Variants in GALNTL6 observed in about 807,000 individuals in gnomAD.
GALNTL6 encodes polypeptide N-acetylgalactosaminyltransferase like 6.
In GALNTL6, 46 loss-of-function variants were observed where a neutral mutation model predicts 73.7. The observed-to-expected ratio is 0.62, with a 90% confidence interval of 0.49 to 0.80. The LOEUF (loss-of-function observed/expected upper bound fraction) is 0.80. Ranked by LOEUF, GALNTL6 falls within the 30% of genes least tolerant of loss-of-function variation. The probability of loss-of-function intolerance (pLI) is 0.00; values close to 1 mark genes in which losing one functional copy is unlikely to be tolerated. For missense variants in GALNTL6, 604 were observed against 755.0 expected (o/e 0.80, Z 2.34); for synonymous variants, 259 against 263.7 (o/e 0.98, Z 0.17).
chr4:172,565,971 GTTTCA>G (rs1736541022), intron 5 of GALNTL6, among the ~76,000 whole-genome samples: 1 of 151,836 alleles, frequency 6.6e-6, no homozygotes, highest in African/African-American at 2.4e-5. Flanking sequence ...ATTATATGAG[GTTTCA>G]TTTCATCAGT....
At chr4:172,998,082 AT>A (rs1751878060) in intron 10 of GALNTL6, among the ~76,000 whole-genome samples, 1 of 152,192 alleles carries the variant, frequency 6.6e-6, no homozygotes. Flanking sequence ...CAAGAGAGAG[AT>A]GCCAAAGCAA....
chr4:172,481,130 C>T (rs1733447910), intron 5 of GALNTL6, among the ~76,000 whole-genome samples: 1 of 152,096 alleles, frequency 6.6e-6, no homozygotes, highest in Non-Finnish European at 1.5e-5. Context: ...TTCGGAGTTT[C>T]TTCCTTCTGG....
At chr4:172,588,947 G>A (rs1183087004) in intron 5 of GALNTL6, among the ~76,000 whole-genome samples, 1 of 152,104 alleles carries the variant, frequency 6.6e-6, no homozygotes, top group African/African-American at 2.4e-5. Flanking sequence ...GGATTTAGAT[G>A]GGGAAAATAA....
At chr4:172,176,453 C>G (rs72700980) in intron 2 of GALNTL6, among the ~76,000 whole-genome samples, 9,742 of 149,472 alleles carry the variant, frequency 0.065, 514 homozygotes, top group African/African-American at 0.15. Context: ...TAAGTGAAGA[C>G]TTTAAATACT....
At position 172,126,525 on chromosome 4, in the gene GALNTL6, G is replaced by A. The variant is rs1266465548; in HGVS notation, c.139-103131G>A. Among the ~76,000 whole-genome samples the A allele has an allele frequency of 2.6e-5, 4 of 152,310 alleles. No homozygotes were observed. In the East Asian group the frequency reaches 7.7e-4, roughly 29 times the overall value. ...GGACACGAGGAACACAGTGCAGCTT[G>A]CTCAGCAAGGATCAGCTGGCAGCCT... On this transcript the variant is annotated intron_variant, in intron 2 of 12. Transcript: ENST00000506823.
At chr4:173,016,328 A>G (rs1752781091) in intron 11 of GALNTL6, among the ~76,000 whole-genome samples, 1 of 152,178 alleles carries the variant, frequency 6.6e-6, no homozygotes, top group African/African-American at 2.4e-5. Flanking sequence ...TGGTAGACCC[A>G]CTGACAGCTT....
intron 2 of GALNTL6, among the ~76,000 whole-genome samples, chr4:171,837,530 C>T (rs541655717): frequency 2.9e-5 from 4 of 138,776 alleles, no homozygotes; most frequent in Middle Eastern, 4.1e-3. Flanking sequence ...CAACTTCATA[C>T]TAAATGGTTC....
chr4:172,898,215 A>T (rs1561021471), intron 8 of GALNTL6, among the ~76,000 whole-genome samples: 2 of 151,918 alleles, frequency 1.3e-5, no homozygotes, highest in Non-Finnish European at 2.9e-5. Context: ...GTCTCATATG[A>T]ACAATTTTTT....
chr4:171,988,568 A>G (rs1230464855), intron 2 of GALNTL6, among the ~76,000 whole-genome samples: 1 of 152,156 alleles, frequency 6.6e-6, no homozygotes, highest in Admixed American at 6.5e-5. Flanking sequence ...ATAGGAGAGT[A>G]TATGGGTTTG....
At chr4:172,103,439 CTATA>C (rs1197803539) in intron 2 of GALNTL6, among the ~76,000 whole-genome samples, 2 of 152,026 alleles carry the variant, frequency 1.3e-5, no homozygotes, top group African/African-American at 4.8e-5. Flanking sequence ...CTTAATGGAA[CTATA>C]TATATATTTT....
intron 2 of GALNTL6, among the ~76,000 whole-genome samples, chr4:171,984,705 A>T: frequency 6.6e-6 from 1 of 152,188 alleles, no homozygotes; most frequent in East Asian, 1.9e-4. Flanking sequence ...AAAGGAGGAA[A>T]GAGGAGATAG....
intron 2 of GALNTL6, among the ~76,000 whole-genome samples, chr4:171,942,603 G>A (rs1419709383): frequency 6.6e-6 from 1 of 152,176 alleles, no homozygotes; most frequent in East Asian, 1.9e-4. Flanking sequence ...AAGTTAATAA[G>A]TGGAATGAAG....
In GALNTL6 at chr4:172,850,575, G is replaced by C. The variant is rs111274368; in HGVS notation, c.924-32215G>C. On this transcript the variant is annotated intron_variant, in intron 7 of 12. Transcript: ENST00000506823. ...ACAACCAATTCTCCAGTAGACTCCA[G>C]ATGGGCGTCCTGTGATTCTACTGAT... 5.2e-3 allele frequency among the ~76,000 whole-genome samples: 799 copies of C among 152,236 alleles called. 9 individuals carry two copies. The highest frequency in any genetic ancestry group is 0.018 in the African/African-American group (742 of 41,548).
Position 172,788,621 on chromosome 4 carries a change from G to T in GALNTL6, c.554-20740G>T, listed in dbSNP as rs564497274. 2.2e-4 allele frequency among the ~76,000 whole-genome samples: 30 copies of T among 135,060 alleles called. 1 individual carries two copies. The South Asian group carries it at 5.7e-3, about 26-fold the overall frequency. The allele number at this position is 135,060 out of a possible 152,430, so 88.6% of individuals were successfully genotyped here. A position where few individuals can be genotyped will look rare whatever the true frequency, so the allele number is the denominator to read the frequency against. ...CGGGAGGCGGAGCTTGCAGTGGGCC[G>T]ATATCGCACCACTGCACTCCAGCCT... On this transcript the variant is annotated intron_variant, in intron 5 of 12. Transcript: ENST00000506823.
chr4:172,421,750 G>A (rs200335958), intron 5 of GALNTL6, among the ~76,000 whole-genome samples: 30 of 152,124 alleles, frequency 2.0e-4, no homozygotes, highest in East Asian at 1.9e-3. Context: ...ATAATAATGA[G>A]GAACACATTT....
intron 2 of GALNTL6, among the ~76,000 whole-genome samples, chr4:172,086,755 A>C (rs918890154): frequency 5.3e-5 from 8 of 152,144 alleles, no homozygotes; most frequent in Non-Finnish European, 8.8e-5. Context: ...TTGACTTCTT[A>C]TTATAAAAAA....
At chr4:173,013,480 C>T (rs947700067) in intron 11 of GALNTL6, among the ~76,000 whole-genome samples, 3 of 151,868 alleles carry the variant, frequency 2.0e-5, no homozygotes, top group Non-Finnish European at 4.4e-5. Context: ...TATTTGACAG[C>T]GGAACATGGA....
At chr4:172,717,330 C>A (rs926968665) in intron 5 of GALNTL6, among the ~76,000 whole-genome samples, 1 of 152,214 alleles carries the variant, frequency 6.6e-6, no homozygotes, top group Non-Finnish European at 1.5e-5. Flanking sequence ...ATGAGGAAAG[C>A]TATATTTGCT....
chr4:172,010,605 T>TC (rs1220213114), intron 2 of GALNTL6, among the ~76,000 whole-genome samples: 1 of 151,604 alleles, frequency 6.6e-6, no homozygotes, highest in East Asian at 1.9e-4. Flanking sequence ...TGGAATTTTT[T>TC]TTAAAGCTGC....
Sources: gnomAD v4.1 joint callset for allele counts (sites outside exome capture counted in the v4.1 genomes callset) on GRCh38, gnomAD v4.1.1 for gene constraint, MANE v1.5 for transcripts, NCBI Gene and HGNC (gene_info 2026-07-23, HGNC 2026-07-21) for gene names.